ADK: variants seen among roughly 807,000 people sequenced by gnomAD.
The protein encoded by ADK is N6,N6-dimethyladenosine kinase.
Under a neutral mutation model 44.7 loss-of-function variants are expected in ADK, and 24 were observed. The observed-to-expected ratio is 0.54, with a 90% CI of 0.39 to 0.76. ADK has a LOEUF of 0.76. Ranked by LOEUF, ADK falls within the 30% of genes least tolerant of loss-of-function variation. ADK has a pLI of 0.00. For synonymous variants in ADK, 128 were observed against 142.6 expected, an observed-to-expected ratio of 0.90 and a Z score of 0.73; for missense variants, 321 against 425.1, an observed-to-expected ratio of 0.76 and a Z score of 2.15.
rs57106986 is a variant in ADK at position 74,424,535 on chromosome 10, C to CAAAAAAA, written c.555+25983_555+25989dup. Among the ~76,000 whole-genome samples, 40 of 58,460 alleles carry CAAAAAAA rather than the reference C, an allele frequency of 6.8e-4. 2 individuals are homozygous for CAAAAAAA. The highest frequency in any genetic ancestry group is 2.3e-3 in the African/African-American group (32 of 13,736). 38.4% of individuals were successfully genotyped at this position (58,460 alleles called of 152,430 possible). ...GGGCAACAAGAGCAAAACTCCGTCT[C>CAAAAAAA]AAAAAAAAAAAAAAAAAAAAAAAAA... is the stretch of plus-strand genomic sequence containing the variant. On this transcript the variant is annotated intron_variant, in intron 6 of 10. Transcript: ENST00000539909.
At chr10:74,232,364 T>C (rs1202163429) in intron 3 of ADK, among the ~76,000 whole-genome samples, 1 of 151,316 alleles carries the variant, frequency 6.6e-6, no homozygotes, top group Non-Finnish European at 1.5e-5. Context: ...ACTAAAAGTA[T>C]AAAAAAAATT....
intron 7 of ADK, among the ~76,000 whole-genome samples, chr10:74,541,305 G>A (rs566089422): frequency 4.6e-5 from 7 of 152,210 alleles, no homozygotes; most frequent in Admixed American, 3.9e-4. Flanking sequence ...ATGAGTCACC[G>A]CACCCAGCTT....
At chr10:74,697,250 C>G (rs752563395) in intron 10 of ADK, among the ~76,000 whole-genome samples, 2 of 152,056 alleles carry the variant, frequency 1.3e-5, no homozygotes, top group Non-Finnish European at 2.9e-5. Flanking sequence ...ATTAGTAAAA[C>G]TATTCTGGCC....
intron 9 of ADK, 149 bp downstream of exon 9, chr10:74,600,642 C>T: frequency 7.6e-6 from 2 of 263,408 alleles, no homozygotes; most frequent in Non-Finnish European, 1.4e-5. Flanking sequence ...ATATTTCTAC[C>T]CTGTATCTCA....
intron 7 of ADK, among the ~76,000 whole-genome samples, chr10:74,577,594 A>G (rs959999169): frequency 2.6e-5 from 4 of 152,122 alleles, no homozygotes; most frequent in Admixed American, 1.3e-4. Flanking sequence ...CACTAGATGT[A>G]GGAAAGTAGA....
At chr10:74,527,447 C>T (rs1849097514) in intron 7 of ADK, 2 of 498,436 alleles carry the variant, frequency 4.0e-6, no homozygotes, top group Admixed American at 3.2e-5. Context: ...AGATTGAATG[C>T]CATAAAAAAT....
At chr10:74,579,832 A>C (rs1236962807) in intron 7 of ADK, among the ~76,000 whole-genome samples, 8 of 152,214 alleles carry the variant, frequency 5.3e-5, no homozygotes, top group African/African-American at 1.7e-4. Context: ...AAGCCACTGG[A>C]AAGGAATAAG....
chr10:74,653,333 T>G (rs943932373), intron 9 of ADK, among the ~76,000 whole-genome samples: 7 of 152,006 alleles, frequency 4.6e-5, no homozygotes, highest in Non-Finnish European at 1.5e-5. Context: ...GCACTTTTAA[T>G]CCCAGCTACA....
intron 3 of ADK, among the ~76,000 whole-genome samples, chr10:74,226,207 A>G (rs1844532238): frequency 6.6e-6 from 1 of 152,018 alleles, no homozygotes; most frequent in Non-Finnish European, 1.5e-5. Flanking sequence ...TCCTGGGTTC[A>G]AGCGATTCTC....
At chr10:74,244,835 T>G (rs1845354136) in intron 3 of ADK, among the ~76,000 whole-genome samples, 1 of 152,224 alleles carries the variant, frequency 6.6e-6, no homozygotes, top group South Asian at 2.1e-4. Context: ...AACTATGTGG[T>G]ACAGTGTTCA....
intron 6 of ADK, among the ~76,000 whole-genome samples, chr10:74,513,404 A>T (rs770495374): frequency 6.6e-5 from 10 of 152,270 alleles, no homozygotes; most frequent in South Asian, 6.2e-4. Context: ...TGCTTTACAT[A>T]TCTGGGTGCT....
At chr10:74,206,598 G>C (rs907945234) in intron 2 of ADK, among the ~76,000 whole-genome samples, 1 of 152,178 alleles carries the variant, frequency 6.6e-6, no homozygotes, top group African/African-American at 2.4e-5. Flanking sequence ...TGACAAGAAT[G>C]ACCCAATTTA....
intron 4 of ADK, among the ~76,000 whole-genome samples, chr10:74,327,025 CTATTT>C (rs1424107399): frequency 6.6e-6 from 1 of 151,786 alleles, no homozygotes; most frequent in Non-Finnish European, 1.5e-5. Flanking sequence ...TTTTAGGTCT[CTATTT>C]CATTTATTTC....
At chr10:74,661,240 G>C in intron 9 of ADK, 1 of 843,082 alleles carries the variant, frequency 1.2e-6, no homozygotes, top group South Asian at 5.4e-5. Flanking sequence ...TAACTGCTGT[G>C]TAACAATGAA....
At chr10:74,564,181 A>G (rs1004767448) in intron 7 of ADK, among the ~76,000 whole-genome samples, 1 of 151,988 alleles carries the variant, frequency 6.6e-6, no homozygotes, top group African/African-American at 2.4e-5. Flanking sequence ...ACTGAGAATG[A>G]TGCGTCTTTG....
intron 6 of ADK, among the ~76,000 whole-genome samples, chr10:74,408,465 A>G (rs1471976001): frequency 2.0e-5 from 3 of 152,170 alleles, no homozygotes; most frequent in Admixed American, 6.5e-5. Flanking sequence ...AATGATCATA[A>G]CCATCACTGA....
At position 74,647,511 on chromosome 10, in the gene ADK, T is replaced by A. The variant is rs150057602; in HGVS notation, c.878-22672T>A. On this transcript the variant is annotated intron_variant, in intron 9 of 10. Coordinates refer to ENST00000539909, the MANE Select transcript of ADK (RefSeq NM_006721.4). ...TCTGTGCCGAATGAGCGGGGAGATA[T>A]TACTATATACATACATATAAGTGTA... 6.2e-4 allele frequency among the ~76,000 whole-genome samples: 94 copies of A among 152,256 alleles called. No individual in the cohort carries two copies. The East Asian group carries it at 0.017, about 27-fold the overall frequency.
intron 4 of ADK, among the ~76,000 whole-genome samples, chr10:74,387,875 G>A (rs1056461539): frequency 2.6e-5 from 4 of 151,832 alleles, no homozygotes; most frequent in Non-Finnish European, 4.4e-5. Flanking sequence ...AACTGCGTAG[G>A]TTGTTAGTCA....
chr10:74,493,503 T>C (rs11819665), intron 6 of ADK, among the ~76,000 whole-genome samples: 5,522 of 150,892 alleles, frequency 0.037, 307 homozygotes, highest in African/African-American at 0.12. Context: ...TAGAGAGAGA[T>C]ATAGATATAT....
Sources: allele counts gnomAD v4.1 joint callset (sites outside exome capture counted in the v4.1 genomes callset), GRCh38; gene constraint gnomAD v4.1.1; transcripts MANE v1.5; gene names NCBI Gene and HGNC (gene_info 2026-07-23, HGNC 2026-07-21).